The following LOC128092252 variants were observed in gnomAD, a reference collection of about 807,000 sequenced individuals.
the LOC128092252 span, among the ~76,000 whole-genome samples, chr15:50,670,328 T>C: frequency 6.6e-6 from 1 of 152,108 alleles, no homozygotes; most frequent in Non-Finnish European, 1.5e-5. Flanking sequence ...CTGGGCTGCA[T>C]TCCCAGTAGG....
chr15:50,650,427 G>C, the LOC128092252 span, among the ~76,000 whole-genome samples: 2 of 151,836 alleles, frequency 1.3e-5, no homozygotes, highest in Non-Finnish European at 2.9e-5. Context: ...AGGCACGGTG[G>C]CTCATGCCTA....
chr15:50,660,397 C>T, the LOC128092252 span, among the ~76,000 whole-genome samples: 2 of 151,998 alleles, frequency 1.3e-5, no homozygotes, highest in Non-Finnish European at 2.9e-5. Context: ...ATACCAGGCA[C>T]GGTGACTCAC....
the LOC128092252 span, among the ~76,000 whole-genome samples, chr15:50,671,908 A>C: frequency 6.6e-6 from 1 of 152,196 alleles, no homozygotes. Flanking sequence ...ACAAACCTGC[A>C]CTGCCAGTTA....
chr15:50,664,553 T>C, the LOC128092252 span, among the ~76,000 whole-genome samples: 1 of 152,142 alleles, frequency 6.6e-6, no homozygotes, highest in Non-Finnish European at 1.5e-5. Context: ...ATCTTAAATA[T>C]GATTAACCAA....
the LOC128092252 span, among the ~76,000 whole-genome samples, chr15:50,678,247 AAAAAC>A: frequency 1.2e-4 from 15 of 126,448 alleles, no homozygotes; most frequent in African/African-American, 4.1e-4. Flanking sequence ...CTCAAAAAAA[AAAAAC>A]AAAAACAAAA....
the LOC128092252 span, among the ~76,000 whole-genome samples, chr15:50,674,264 C>T: frequency 6.6e-6 from 1 of 152,186 alleles, no homozygotes; most frequent in Non-Finnish European, 1.5e-5. Flanking sequence ...GCTAGGATTA[C>T]AGGCGTGAGC....
chr15:50,658,986 C>T, the LOC128092252 span, among the ~76,000 whole-genome samples: 39 of 152,232 alleles, frequency 2.6e-4, no homozygotes, highest in African/African-American at 8.9e-4. Flanking sequence ...ATCACGAGGT[C>T]AGGAGATCAA....
chr15:50,681,733 T>C, the LOC128092252 span, among the ~76,000 whole-genome samples: 1 of 152,244 alleles, frequency 6.6e-6, no homozygotes, highest in East Asian at 1.9e-4. Context: ...TCCAGAAGTC[T>C]GGCAGCTGGA....
chr15:50,652,916 C>CT, the LOC128092252 span, among the ~76,000 whole-genome samples: 1 of 152,160 alleles, frequency 6.6e-6, no homozygotes, highest in South Asian at 2.1e-4. Context: ...AATCCCAGCA[C>CT]TTTGAGAGGC....
At chr15:50,679,676 CAG>C in the LOC128092252 span, among the ~76,000 whole-genome samples, 1 of 150,626 alleles carries the variant, frequency 6.6e-6, no homozygotes, top group African/African-American at 2.5e-5. Context: ...GCTGGGATTA[CAG>C]GCGCACACCA....
At chr15:50,657,769 T>A in the LOC128092252 span, 1 of 1,611,152 alleles carries the variant, frequency 6.2e-7, no homozygotes. Flanking sequence ...GGTATAGTTA[T>A]GTTAAACTTA....
the LOC128092252 span, among the ~76,000 whole-genome samples, chr15:50,686,002 T>G: frequency 2.0e-5 from 3 of 152,234 alleles, no homozygotes; most frequent in African/African-American, 7.2e-5. Flanking sequence ...GAAATGTACC[T>G]GTAGAGTATC....
the LOC128092252 span, among the ~76,000 whole-genome samples, chr15:50,668,199 T>C: frequency 5.3e-5 from 8 of 152,194 alleles, no homozygotes; most frequent in Non-Finnish European, 8.8e-5. Context: ...TTGGAGACTC[T>C]AACATTAGAA....
the LOC128092252 span, chr15:50,657,964 G>T: frequency 9.7e-6 from 5 of 514,556 alleles, no homozygotes; most frequent in South Asian, 3.5e-5. Context: ...CGTATACCTT[G>T]ATTTATAATT....
the LOC128092252 span, among the ~76,000 whole-genome samples, chr15:50,655,437 G>GAAAAAA: frequency 9.0e-5 from 8 of 89,318 alleles, no homozygotes; most frequent in Non-Finnish European, 1.2e-4. Context: ...CATCTCAAAG[G>GAAAAAA]AAAAAAAAAA....
At chr15:50,678,376 A>C in the LOC128092252 span, among the ~76,000 whole-genome samples, 2 of 151,778 alleles carry the variant, frequency 1.3e-5, no homozygotes, top group African/African-American at 4.8e-5. Flanking sequence ...GGTGACACAG[A>C]CAATGACAAA....
chr15:50,651,170 C>T, the LOC128092252 span, among the ~76,000 whole-genome samples: 2 of 152,086 alleles, frequency 1.3e-5, no homozygotes, highest in African/African-American at 2.4e-5. Flanking sequence ...CTGGGTGACA[C>T]AGAGAGACCC....
chr15:50,673,385 T>C, the LOC128092252 span, among the ~76,000 whole-genome samples: 6 of 152,206 alleles, frequency 3.9e-5, no homozygotes, highest in East Asian at 1.9e-4. Context: ...CGGTACACAC[T>C]GCACCCTATT....
At chr15:50,676,247 G>A in the LOC128092252 span, among the ~76,000 whole-genome samples, 2 of 152,068 alleles carry the variant, frequency 1.3e-5, no homozygotes, top group South Asian at 4.1e-4. Flanking sequence ...AAAATTGGGG[G>A]AAAAAATTAA....
Sources: allele counts gnomAD v4.1 joint callset (sites outside exome capture counted in the v4.1 genomes callset), GRCh38; gene constraint gnomAD v4.1.1; transcripts MANE v1.5.